CSMD1: variants seen among roughly 807,000 people sequenced by gnomAD.
CSMD1 encodes the protein CUB and sushi domain-containing protein 1.
CSMD1 carries 213 observed loss-of-function variants against 417.5 expected under a neutral mutation model. The observed-to-expected ratio is 0.51, with a 90% confidence interval of 0.46 to 0.57. The LOEUF is 0.57. Ranked by LOEUF, CSMD1 falls within the 20% of genes least tolerant of loss-of-function variation. CSMD1 has a pLI of 0.00. For synonymous variants in CSMD1, 2,862 were observed against 1,736.8 expected (o/e 1.65, Z -16.11); for missense variants, 6,923 against 4,529.7 (o/e 1.53, Z -15.17).
At position 4,931,770 on chromosome 8, in the gene CSMD1, A is replaced by G. The variant is rs185725953; in HGVS notation, c.85+62562T>C. On this transcript the variant is annotated intron_variant, in intron 1 of 69. Transcript: ENST00000635120. ...GCAATTTGGAGAGAATGGCTACCAC[A>G]GAAAGGGTGGTGAGGCTCAGAAAGA... Among the ~76,000 whole-genome samples the G allele has an allele frequency of 3.0e-3, 460 of 152,348 alleles. 2 individuals are homozygous for G. Among genetic ancestry groups the G allele is most frequent in the Non-Finnish European group, 2.9e-3 (195 of 68,032 alleles).
chr8:3,157,747 T>A, intron 39 of CSMD1, 150 bp downstream of exon 39: 1 of 633,680 alleles, frequency 1.6e-6, no homozygotes, highest in Non-Finnish European at 2.8e-6. Flanking sequence ...AAACGCATCA[T>A]TCTGCTCTAC....
At chr8:2,954,728 T>C (rs1288142977) in intron 64 of CSMD1, among the ~76,000 whole-genome samples, 1 of 152,252 alleles carries the variant, frequency 6.6e-6, no homozygotes, top group Non-Finnish European at 1.5e-5. Flanking sequence ...ATGTTCATTT[T>C]GGTCTATCAA....
chr8:3,836,702 G>C (rs1035253611), intron 5 of CSMD1, among the ~76,000 whole-genome samples: 3 of 151,850 alleles, frequency 2.0e-5, no homozygotes, highest in East Asian at 1.9e-4. Context: ...GTTAGAATTG[G>C]GAAAATAAAC....
intron 46 of CSMD1, among the ~76,000 whole-genome samples, chr8:3,099,296 C>G (rs1024627351): frequency 1.3e-5 from 2 of 152,120 alleles, no homozygotes; most frequent in African/African-American, 2.4e-5. Context: ...CTGCCATAAA[C>G]GTCACAAGAT....
chr8:3,485,017 C>G (rs1365483999), intron 11 of CSMD1, among the ~76,000 whole-genome samples: 10 of 152,136 alleles, frequency 6.6e-5, no homozygotes, highest in African/African-American at 9.7e-5. Context: ...TCCTACAAAA[C>G]TAAACATACA....
intron 21 of CSMD1, among the ~76,000 whole-genome samples, chr8:3,355,769 C>G (rs1336793163): frequency 6.6e-6 from 1 of 152,132 alleles, no homozygotes; most frequent in Non-Finnish European, 1.5e-5. Flanking sequence ...GACTTTACAT[C>G]ACCTTACCAA....
intron 1 of CSMD1, among the ~76,000 whole-genome samples, chr8:4,934,954 A>T (rs900023195): frequency 2.6e-5 from 4 of 152,260 alleles, no homozygotes; most frequent in Admixed American, 2.6e-4. Flanking sequence ...AAATCCATCT[A>T]CCTGCCTATA....
chr8:4,480,058 T>C (rs1178845964), intron 2 of CSMD1, among the ~76,000 whole-genome samples: 1 of 151,742 alleles, frequency 6.6e-6, no homozygotes, highest in African/African-American at 2.4e-5. Context: ...AATGTGGTCG[T>C]GAGTTCTGTT....
intron 26 of CSMD1, among the ~76,000 whole-genome samples, chr8:3,283,400 T>G (rs1193202241): frequency 6.6e-6 from 1 of 152,150 alleles, no homozygotes; most frequent in Non-Finnish European, 1.5e-5. Flanking sequence ...CATCCAAGTC[T>G]AGAAATTTAC....
chr8:4,966,134 C>T (rs982098395), intron 1 of CSMD1, among the ~76,000 whole-genome samples: 2 of 146,788 alleles, frequency 1.4e-5, no homozygotes, highest in Admixed American at 7.1e-5. Context: ...GAGGCCGAGG[C>T]AGGTGGATCA....
At chr8:3,045,228 T>C (rs1282733803) in intron 50 of CSMD1, among the ~76,000 whole-genome samples, 5 of 152,222 alleles carry the variant, frequency 3.3e-5, no homozygotes, top group Admixed American at 6.5e-5. Context: ...GAACATATCA[T>C]AGTTGGTATC....
intron 8 of CSMD1, among the ~76,000 whole-genome samples, chr8:3,588,248 T>C (rs1252440825): frequency 1.3e-5 from 2 of 151,880 alleles, no homozygotes; most frequent in South Asian, 2.1e-4. Flanking sequence ...CAGAAGTGAA[T>C]AGCACAAAGC....
intron 5 of CSMD1, among the ~76,000 whole-genome samples, chr8:3,859,016 T>C (rs1433770794): frequency 6.6e-6 from 1 of 152,212 alleles, no homozygotes; most frequent in Non-Finnish European, 1.5e-5. Context: ...TGCTATGAAG[T>C]GTTCCCTAAA....
At chr8:3,493,272 T>A (rs1301973862) in intron 11 of CSMD1, among the ~76,000 whole-genome samples, 7 of 122,646 alleles carry the variant, frequency 5.7e-5, no homozygotes, top group Admixed American at 2.0e-4. Context: ...GCAGCCTGGG[T>A]GATAGAGTAA....
chr8:3,250,541 C>T (rs1332809717), intron 26 of CSMD1, among the ~76,000 whole-genome samples: 2 of 152,124 alleles, frequency 1.3e-5, no homozygotes, highest in Non-Finnish European at 2.9e-5. Flanking sequence ...GTCTTTATAG[C>T]AGCATGATTT....
intron 5 of CSMD1, among the ~76,000 whole-genome samples, chr8:3,803,536 C>G (rs1047629572): frequency 1.3e-5 from 2 of 152,098 alleles, no homozygotes; most frequent in Admixed American, 6.5e-5. Flanking sequence ...GGGCCCAGGA[C>G]AGAGGTACGC....
intron 10 of CSMD1, among the ~76,000 whole-genome samples, chr8:3,536,037 C>T (rs185574703): frequency 4.6e-5 from 7 of 152,274 alleles, no homozygotes; most frequent in South Asian, 2.1e-4. Context: ...CCAGCGACCA[C>T]GCTGTCATAG....
chr8:4,403,724 G>C (rs1483674791), intron 3 of CSMD1, among the ~76,000 whole-genome samples: 3 of 151,958 alleles, frequency 2.0e-5, no homozygotes, highest in Non-Finnish European at 4.4e-5. Flanking sequence ...CTCTCTTCTT[G>C]CCTGCTGATG....
chr8:3,818,036 C>T (rs985221835), intron 5 of CSMD1, among the ~76,000 whole-genome samples: 6 of 152,184 alleles, frequency 3.9e-5, no homozygotes, highest in Admixed American at 6.5e-5. Context: ...CCCCAAACCA[C>T]GACTCTCGTT....
Sources: allele counts gnomAD v4.1 joint callset (sites outside exome capture counted in the v4.1 genomes callset), GRCh38; gene constraint gnomAD v4.1.1; transcripts MANE v1.5; gene names NCBI Gene and HGNC (gene_info 2026-07-23, HGNC 2026-07-21).